ROR1: variants seen among roughly 807,000 people sequenced by gnomAD.
ROR1 encodes inactive tyrosine-protein kinase transmembrane receptor ROR1.
Under a neutral mutation model 78.8 loss-of-function variants are expected in ROR1, and 19 were observed. The observed-to-expected ratio is 0.24, with a 90% CI of 0.17 to 0.35. ROR1 has a LOEUF of 0.35. Among genes scored for constraint, ROR1 ranks in the 10% least tolerant of loss-of-function variants. The pLI is 1.00. For missense variants in ROR1, 917 were observed against 1,177.8 expected, an observed-to-expected ratio of 0.78 and a Z score of 3.24; for synonymous variants, 386 against 433.6, an observed-to-expected ratio of 0.89 and a Z score of 1.36.
At chr1:63,993,700 G>GT (rs1340075826) in intron 1 of ROR1, among the ~76,000 whole-genome samples, 8 of 151,960 alleles carry the variant, frequency 5.3e-5, no homozygotes, top group South Asian at 2.1e-4. Context: ...CAGTTTCCTT[G>GT]TTTTTTTATA....
chr1:63,841,139 C>T (rs1359606407), intron 1 of ROR1, among the ~76,000 whole-genome samples: 5 of 152,130 alleles, frequency 3.3e-5, no homozygotes, highest in Admixed American at 1.3e-4. Flanking sequence ...ACAAAATGTA[C>T]GTCTCATTGC....
At chr1:64,005,775 T>TA (rs1008539780) in intron 1 of ROR1, among the ~76,000 whole-genome samples, 7 of 152,314 alleles carry the variant, frequency 4.6e-5, no homozygotes, top group East Asian at 3.9e-4. Context: ...GCCTTTATTT[T>TA]AAAAAAATAT....
At chr1:64,104,197 A>C (rs1358739875) in intron 4 of ROR1, among the ~76,000 whole-genome samples, 1 of 152,146 alleles carries the variant, frequency 6.6e-6, no homozygotes, top group Non-Finnish European at 1.5e-5. Flanking sequence ...TCAGGCTTAG[A>C]GGGGTGAAGC....
At chr1:64,122,312 C>T (rs4110906) in intron 4 of ROR1, among the ~76,000 whole-genome samples, 2 of 151,910 alleles carry the variant, frequency 1.3e-5, no homozygotes, top group African/African-American at 4.8e-5. Context: ...ACTAATTGGC[C>T]CTTTCTCTTC....
intron 4 of ROR1, among the ~76,000 whole-genome samples, chr1:64,125,819 C>T (rs1358325828): frequency 1.3e-5 from 2 of 152,242 alleles, no homozygotes; most frequent in African/African-American, 4.8e-5. Context: ...GTAGCCATAG[C>T]AGAGAAACAT....
At chr1:63,889,093 T>C (rs1274889882) in intron 1 of ROR1, among the ~76,000 whole-genome samples, 1 of 152,154 alleles carries the variant, frequency 6.6e-6, no homozygotes, top group Non-Finnish European at 1.5e-5. Flanking sequence ...GTAGGAAAAT[T>C]CCTTGACATA....
chr1:64,139,164 CAAAAA>C (rs755368714), intron 5 of ROR1, among the ~76,000 whole-genome samples: 2 of 20,660 alleles, frequency 9.7e-5, no homozygotes, highest in African/African-American at 3.0e-4. Flanking sequence ...GAGACTGTCT[CAAAAA>C]AAAAAAAAAA....
rs895152303 is a variant in ROR1 at position 63,941,220 on chromosome 1, G to GAT, written c.92-68077_92-68076dup. ...AAACTGGGATATGGCCTCTGGATTA[G>GAT]ATATATATAAATATTATACACATAT... is the stretch of plus-strand genomic sequence containing the variant. On this transcript the variant is annotated intron_variant, in intron 1 of 8. Transcript: ENST00000371079. 1.6e-4 allele frequency among the ~76,000 whole-genome samples: 25 copies of GAT among 152,204 alleles called. No individual in the cohort carries two copies. In the South Asian group the frequency reaches 3.5e-3, roughly 21 times the overall value.
chr1:64,056,722 GA>G (rs758185781), intron 4 of ROR1, among the ~76,000 whole-genome samples: 1 of 151,422 alleles, frequency 6.6e-6, no homozygotes, highest in Non-Finnish European at 1.5e-5. Context: ...TCGTGAGTGT[GA>G]AATGGTATCT....
chr1:63,950,369 A>ATAGG (rs1645924807), intron 1 of ROR1, among the ~76,000 whole-genome samples: 2 of 152,274 alleles, frequency 1.3e-5, no homozygotes, highest in South Asian at 4.2e-4. Context: ...TTCAGACCAT[A>ATAGG]TAGGGTAACT....
chr1:63,951,093 A>T (rs1285420198), intron 1 of ROR1, among the ~76,000 whole-genome samples: 3 of 152,216 alleles, frequency 2.0e-5, no homozygotes, highest in South Asian at 2.1e-4. Flanking sequence ...AAGTAGAAGG[A>T]GCTCTGCAAG....
intron 1 of ROR1, among the ~76,000 whole-genome samples, chr1:63,886,065 C>A (rs1645354652): frequency 6.6e-6 from 1 of 152,148 alleles, no homozygotes; most frequent in Admixed American, 6.6e-5. Context: ...ACATTAGATT[C>A]TCATAAGGAG....
intron 4 of ROR1, among the ~76,000 whole-genome samples, chr1:64,098,499 G>A (rs1387050015): frequency 6.6e-6 from 1 of 152,136 alleles, no homozygotes; most frequent in East Asian, 1.9e-4. Flanking sequence ...GAATTCTCAG[G>A]CAAACTAAGC....
At position 64,179,193 on chromosome 1, in the gene ROR1, A is replaced by G. The variant is rs1171183466; in HGVS notation, c.*338A>G. 4.6e-6 allele frequency: 1 copy of G among 216,080 alleles called. No homozygotes were observed. Among genetic ancestry groups the G allele is most frequent in the Non-Finnish European group, 9.2e-6 (1 of 109,190 alleles). The allele number at this position is 216,080 out of a possible 1,614,324, so 13.4% of individuals were successfully genotyped here. A position where few individuals can be genotyped will look rare whatever the true frequency, so the allele number is the denominator to read the frequency against. On this transcript the variant is annotated 3_prime_UTR_variant, in exon 9 of 9. Transcript: ENST00000371079. ...TGATTAAATATAAAACCAAAAGTCA[A>G]ATGGTGCTTTGTGTTTTAGCCTTCA...
intron 4 of ROR1, among the ~76,000 whole-genome samples, chr1:64,129,203 G>A (rs1019588973): frequency 2.0e-5 from 3 of 152,098 alleles, no homozygotes; most frequent in African/African-American, 7.2e-5. Context: ...TGGGGATTGG[G>A]TTTCACCCCA....
chr1:63,846,320 T>A (rs536995559), intron 1 of ROR1, among the ~76,000 whole-genome samples: 1 of 152,252 alleles, frequency 6.6e-6, no homozygotes, highest in Non-Finnish European at 1.5e-5. Flanking sequence ...TCTTGTCAAT[T>A]TTCCCTCCAG....
At chr1:63,891,310 C>T (rs1023027202) in intron 1 of ROR1, among the ~76,000 whole-genome samples, 4 of 152,288 alleles carry the variant, frequency 2.6e-5, no homozygotes, top group African/African-American at 9.6e-5. Context: ...ACCCTAGAGA[C>T]TGTCAAAGAG....
At chr1:63,827,761 A>G (rs1317597525) in intron 1 of ROR1, among the ~76,000 whole-genome samples, 1 of 152,146 alleles carries the variant, frequency 6.6e-6, no homozygotes, top group African/African-American at 2.4e-5. Context: ...CACTGCAGGG[A>G]AATTTAAACT....
intron 8 of ROR1, among the ~76,000 whole-genome samples, chr1:64,161,257 G>A (rs935587645): frequency 2.0e-5 from 3 of 152,178 alleles, no homozygotes; most frequent in African/African-American, 2.4e-5. Flanking sequence ...CAAGGTCCAA[G>A]AGCTAGTTAT....
Sources: allele counts gnomAD v4.1 joint callset (sites outside exome capture counted in the v4.1 genomes callset), GRCh38; gene constraint gnomAD v4.1.1; transcripts MANE v1.5; gene names NCBI Gene and HGNC (gene_info 2026-07-23, HGNC 2026-07-21).